The following RFC3 variants were observed in gnomAD, a reference collection of about 807,000 sequenced individuals.
RFC3 encodes A1 38 kDa subunit.
RFC3 carries 41 observed loss-of-function variants against 45.1 expected under a neutral mutation model. The ratio of observed to expected loss-of-function variants is 0.91; its 90% CI spans 0.71 to 1.18. RFC3 has a LOEUF of 1.18. Among genes scored for constraint, RFC3 ranks in the 50% most tolerant of loss-of-function variants. The pLI, the probability that RFC3 is intolerant of heterozygous loss-of-function variation, is 0.00. For missense variants in RFC3, 423 were observed against 428.1 expected (o/e 0.99, Z 0.10); for synonymous variants, 149 against 144.0 (o/e 1.03, Z -0.25).
At chr13:33,923,156 T>G (rs2082780376) in intron 8 of RFC3, among the ~76,000 whole-genome samples, 1 of 152,088 alleles carries the variant, frequency 6.6e-6, no homozygotes, top group South Asian at 2.1e-4. Flanking sequence ...ACCCTTGATG[T>G]GTATTCTTTG....
chr13:33,896,997 A>G (rs2082604220), intron 8 of RFC3, among the ~76,000 whole-genome samples: 1 of 152,046 alleles, frequency 6.6e-6, no homozygotes, highest in African/African-American at 2.4e-5. Context: ...GGAGTTCTTC[A>G]ACCTGAAAGA....
At chr13:33,820,645 A>G (rs2081993333) in intron 1 of RFC3, among the ~76,000 whole-genome samples, 1 of 152,204 alleles carries the variant, frequency 6.6e-6, no homozygotes, top group African/African-American at 2.4e-5. Context: ...AACCAAATGC[A>G]CTGAATTGTT....
At chr13:33,864,507 A>T (rs777553873) in intron 8 of RFC3, among the ~76,000 whole-genome samples, 2 of 152,138 alleles carry the variant, frequency 1.3e-5, no homozygotes, top group South Asian at 2.1e-4. Context: ...ATGGAATAGC[A>T]TGAACAGTGA....
rs529560290 is a variant in RFC3, at chr13:33,837,426, C to T, written c.*1131C>T. The T allele has an allele frequency of 2.6e-5, 4 of 152,058 alleles. No homozygotes were observed. The highest frequency in any genetic ancestry group is 5.9e-5 in the Non-Finnish European group (4 of 67,996). 9.4% of individuals were successfully genotyped at this position (152,058 alleles called of 1,614,324 possible). A position where few individuals can be genotyped will look rare whatever the true frequency, so the allele number is the denominator to read the frequency against. On this transcript the variant is annotated 3_prime_UTR_variant, in exon 9 of 9. Coordinates refer to ENST00000380071, the MANE Select transcript of RFC3 (RefSeq NM_002915.4). ...AATATTTTTGTATATACTTTTAAAG[C>T]CTATTCACTTGCTGATGGATCTTTG...
At chr13:33,949,112 G>A (rs181144629) in intron 8 of RFC3, among the ~76,000 whole-genome samples, 6 of 152,120 alleles carry the variant, frequency 3.9e-5, no homozygotes, top group East Asian at 1.9e-4. Flanking sequence ...CTTTCCCCAC[G>A]TGTCAAGTGT....
chr13:33,944,595 CAA>C (rs1421785172), intron 8 of RFC3, among the ~76,000 whole-genome samples: 1 of 151,992 alleles, frequency 6.6e-6, no homozygotes, highest in Non-Finnish European at 1.5e-5. Flanking sequence ...TCTTTCAACA[CAA>C]GAATTTTGTG....
intron 8 of RFC3, among the ~76,000 whole-genome samples, chr13:33,928,629 G>A (rs2082831542): frequency 6.6e-6 from 1 of 152,140 alleles, no homozygotes; most frequent in African/African-American, 2.4e-5. Context: ...AGAAGAGGCT[G>A]CATAGGTGGA....
chr13:33,935,097 C>T (rs542356792), intron 8 of RFC3, among the ~76,000 whole-genome samples: 1 of 151,972 alleles, frequency 6.6e-6, no homozygotes, highest in African/African-American at 2.4e-5. Context: ...GTCAATTTTT[C>T]CTTTGAAATG....
chr13:33,911,797 G>A (rs1053245375), intron 8 of RFC3, among the ~76,000 whole-genome samples: 1 of 152,020 alleles, frequency 6.6e-6, no homozygotes, highest in Admixed American at 6.6e-5. Flanking sequence ...ATTCATGAAG[G>A]ATCTGCTTCC....
chr13:33,857,609 C>A (rs1467717537), intron 8 of RFC3, among the ~76,000 whole-genome samples: 21 of 128,120 alleles, frequency 1.6e-4, no homozygotes, highest in Admixed American at 1.6e-3. Flanking sequence ...AATATTTTTG[C>A]TTCATTTTCT....
intron 8 of RFC3, among the ~76,000 whole-genome samples, chr13:33,945,007 A>G (rs1593710330): frequency 2.0e-5 from 3 of 152,122 alleles, no homozygotes; most frequent in East Asian, 3.9e-4. Flanking sequence ...TATTCCTCTC[A>G]TCTTGAGTTT....
At chr13:33,874,307 TTTTG>T (rs2082431791) in intron 8 of RFC3, among the ~76,000 whole-genome samples, 2 of 151,992 alleles carry the variant, frequency 1.3e-5, no homozygotes, top group Non-Finnish European at 2.9e-5. Context: ...GGGTGCTTCT[TTTTG>T]TTTGTTTTTT....
intron 8 of RFC3, among the ~76,000 whole-genome samples, chr13:33,882,064 T>A (rs979270555): frequency 6.6e-6 from 1 of 152,246 alleles, no homozygotes; most frequent in African/African-American, 2.4e-5. Flanking sequence ...TGTTTTGTTT[T>A]CATTTTTTAT....
intron 8 of RFC3, among the ~76,000 whole-genome samples, chr13:33,919,671 T>C (rs2082755523): frequency 6.6e-6 from 1 of 152,156 alleles, no homozygotes; most frequent in African/African-American, 2.4e-5. Context: ...TATTATTTAA[T>C]GTCTGTGTGT....
the RFC3 span, among the ~76,000 whole-genome samples, chr13:33,973,266 A>G: frequency 6.6e-5 from 10 of 152,248 alleles, no homozygotes; most frequent in African/African-American, 2.4e-4. Context: ...AGGAGGAGAG[A>G]TTTGGTCAGA....
intron 3 of RFC3, among the ~76,000 whole-genome samples, chr13:33,824,677 G>A (rs940880157): frequency 1.7e-4 from 26 of 152,134 alleles, no homozygotes; most frequent in Non-Finnish European, 5.9e-5. Flanking sequence ...CAGGGAGAGG[G>A]AGGAGACCGA....
At chr13:33,909,735 A>G (rs12428940) in intron 8 of RFC3, among the ~76,000 whole-genome samples, 1,620 of 152,202 alleles carry the variant, frequency 0.011, 78 homozygotes, top group Admixed American at 0.079. Context: ...GCTCCCAGAG[A>G]CATAATCAAA....
intron 8 of RFC3, among the ~76,000 whole-genome samples, chr13:33,919,336 C>G (rs973383346): frequency 3.3e-5 from 5 of 151,716 alleles, no homozygotes; most frequent in African/African-American, 1.2e-4. Context: ...TCATGGAAAC[C>G]CTGAAAGTAG....
intron 3 of RFC3, among the ~76,000 whole-genome samples, chr13:33,824,798 A>C (rs1010058929): frequency 2.6e-5 from 4 of 152,184 alleles, no homozygotes; most frequent in Non-Finnish European, 5.9e-5. Flanking sequence ...AAACAACCCT[A>C]ACAGATAGGT....
Sources: gnomAD v4.1 joint callset for allele counts (sites outside exome capture counted in the v4.1 genomes callset) on GRCh38, gnomAD v4.1.1 for gene constraint, MANE v1.5 for transcripts, NCBI Gene and HGNC (gene_info 2026-07-23, HGNC 2026-07-21) for gene names.